PRPF18: variants seen among roughly 807,000 people sequenced by gnomAD.
PRPF18 encodes pre-mRNA-splicing factor 18.
Under a neutral mutation model 46.5 loss-of-function variants are expected in PRPF18, and 38 were observed. The observed-to-expected ratio is 0.82, with a 90% CI of 0.63 to 1.07. The LOEUF (loss-of-function observed/expected upper bound fraction) is 1.07, where lower values mean the gene tolerates loss of function less well. Ranked by LOEUF, PRPF18 falls within the 50% of genes least tolerant of loss-of-function variation. The pLI, the probability that PRPF18 is intolerant of heterozygous loss-of-function variation, is 0.00. For synonymous variants in PRPF18, 152 were observed against 146.7 expected (o/e 1.04, Z -0.26); for missense variants, 263 against 410.0 (o/e 0.64, Z 3.10).
chr10:13,620,038 C>T (rs1419267226), intron 9 of PRPF18, among the ~76,000 whole-genome samples: 1 of 151,926 alleles, frequency 6.6e-6, no homozygotes, highest in East Asian at 1.9e-4. Flanking sequence ...GATTGATTTA[C>T]TAAGCTGTCT....
chr10:13,597,618 T>C, intron 2 of PRPF18, 83 bp downstream of exon 2: 2 of 1,603,214 alleles, frequency 1.2e-6, no homozygotes, highest in Non-Finnish European at 1.7e-6. Flanking sequence ...ATCATTGATC[T>C]CTGTTCAATT....
At chr10:13,653,626 A>G in the PRPF18 span, among the ~76,000 whole-genome samples, 1 of 152,244 alleles carries the variant, frequency 6.6e-6, no homozygotes, top group Non-Finnish European at 1.5e-5. Context: ...CCACCAAACC[A>G]GGAACCAGAC....
chr10:13,612,622 CTTTTTTTT>C (rs61113168), intron 6 of PRPF18, among the ~76,000 whole-genome samples: 1 of 76,130 alleles, frequency 1.3e-5, no homozygotes, highest in Non-Finnish European at 2.4e-5. Flanking sequence ...AGGGTTCTAG[CTTTTTTTT>C]TTTTTTTTTT....
chr10:13,605,514 G>A (rs532354000), intron 3 of PRPF18, 117 bp from the exon 4 acceptor site: 7 of 1,085,824 alleles, frequency 6.4e-6, no homozygotes, highest in Admixed American at 6.9e-5. Flanking sequence ...CCTGGGAGGC[G>A]GAGCTTGCAG....
downstream of PRPF18, chr10:13,630,944 A>T (rs568960761): frequency 6.6e-6 from 1 of 152,218 alleles, no homozygotes; most frequent in Non-Finnish European, 1.5e-5. Context: ...AGTATTTGTC[A>T]TCTCTCAGGA....
chr10:13,597,510 C>T lies in PRPF18; in HGVS notation c.119C>T (p.Ala40Val), dbSNP rs548408215. The stretch of plus-strand genomic sequence containing the variant: ...GAGCTCGCCAAAAAAGAAGAGGAAG[C>T]ATATTTTGAAAGATGTGGCTACAAG... The part of the protein sequence containing the change: ...RSELAKKEEE[A>V]YFERCGYKIQ... The change falls in exon 2 of 10, where the codon GCA becomes GTA. Residue 40 changes from alanine to valine, a missense_variant. By Grantham distance (64) the Ala-to-Val change is moderately conservative (BLOSUM62 0). This residue lies in a region of PRPF18 where 71 missense variants were observed against 69.2 expected (regional missense o/e 1.03). Coordinates refer to ENST00000378572, the MANE Select transcript of PRPF18 (RefSeq NM_003675.4). 5 of 1,610,182 alleles carry T rather than the reference C, an allele frequency of 3.1e-6. No homozygotes were observed. Among genetic ancestry groups the T allele is most frequent in the Middle Eastern group, 1.7e-4 (1 of 5,970 alleles).
chr10:13,589,363 T>C (rs1023749527), intron 1 of PRPF18, among the ~76,000 whole-genome samples: 4 of 152,228 alleles, frequency 2.6e-5, no homozygotes, highest in South Asian at 2.1e-4. Context: ...CAGCAAACTT[T>C]AGTATAAATG....
intron 9 of PRPF18, among the ~76,000 whole-genome samples, chr10:13,625,406 A>G (rs1379414944): frequency 3.3e-5 from 5 of 152,258 alleles, no homozygotes; most frequent in Non-Finnish European, 1.5e-5. Flanking sequence ...ATGAACTCTT[A>G]AAAATTAGCA....
the PRPF18 span, among the ~76,000 whole-genome samples, chr10:13,650,677 A>C: frequency 6.6e-6 from 1 of 152,110 alleles, no homozygotes; most frequent in African/African-American, 2.4e-5. Flanking sequence ...TCCCTGTCCT[A>C]ATTGCCCATC....
At chr10:13,634,637 A>G (rs2080619563), downstream of PRPF18, among the ~76,000 whole-genome samples, 1 of 152,196 alleles carries the variant, frequency 6.6e-6, no homozygotes, top group African/African-American at 2.4e-5. Flanking sequence ...TAGAAGTGTA[A>G]AAGCTGTAGA....
At chr10:13,650,549 G>A in the PRPF18 span, among the ~76,000 whole-genome samples, 11 of 152,068 alleles carry the variant, frequency 7.2e-5, no homozygotes, top group African/African-American at 2.4e-4. Context: ...GCAGATGATC[G>A]CCCTCCCATA....
At chr10:13,639,251 C>G in the PRPF18 span, 4 of 152,218 alleles carry the variant, frequency 2.6e-5, no homozygotes, top group Admixed American at 2.6e-4. Flanking sequence ...TTCTTCTGCC[C>G]TGTCATCAAG....
At chr10:13,597,798 T>C in intron 2 of PRPF18, 4 of 220,022 alleles carry the variant, frequency 1.8e-5, no homozygotes, top group Non-Finnish European at 1.6e-5. Flanking sequence ...AAAGCTTGAA[T>C]TTTTTTTTTT....
At chr10:13,613,652 T>C in intron 6 of PRPF18, 89 bp from the exon 7 acceptor site, 1 of 1,323,348 alleles carries the variant, frequency 7.6e-7, no homozygotes, top group Non-Finnish European at 1.0e-6. Flanking sequence ...TAAGGATGAT[T>C]GTATTCTGTT....
At chr10:13,623,913 T>G (rs2080457885) in intron 9 of PRPF18, among the ~76,000 whole-genome samples, 1 of 152,242 alleles carries the variant, frequency 6.6e-6, no homozygotes, top group African/African-American at 2.4e-5. Flanking sequence ...CCATTTAGAC[T>G]TAAAAATTGT....
chr10:13,611,030 T>C (rs1287307434), intron 5 of PRPF18, among the ~76,000 whole-genome samples: 1 of 152,238 alleles, frequency 6.6e-6, no homozygotes, highest in African/African-American at 2.4e-5. Context: ...AACTTATTTT[T>C]CTGTTTCCTT....
intron 2 of PRPF18, among the ~76,000 whole-genome samples, chr10:13,599,609 T>A (rs1478179472): frequency 2.0e-5 from 3 of 152,168 alleles, no homozygotes; most frequent in Non-Finnish European, 4.4e-5. Flanking sequence ...TGAACAAGAA[T>A]GCCCACTGTT....
At chr10:13,649,010 G>T in the PRPF18 span, among the ~76,000 whole-genome samples, 11 of 152,234 alleles carry the variant, frequency 7.2e-5, no homozygotes, top group South Asian at 2.3e-3. Context: ...TATATTAAAG[G>T]TTCTGAGAAG....
rs577558671 is a variant in PRPF18, at chr10:13,587,170, G to T, written c.66+18G>T. 5.6e-6 allele frequency: 9 copies of T among 1,607,044 alleles called. No homozygotes were observed. In the South Asian group the frequency reaches 8.8e-5, roughly 16 times the overall value. On this transcript the variant is annotated intron_variant, in intron 1 of 9. Coordinates refer to ENST00000378572, the MANE Select transcript of PRPF18 (RefSeq NM_003675.4). Reference sequence around the variant, plus strand: ...TGCTGGTGGTGAGGACCCTGCGGTCGTGGGGGTCGGGATGTAAGAGTGAGA... The same window carrying T: ...TGCTGGTGGTGAGGACCCTGCGGTCTTGGGGGTCGGGATGTAAGAGTGAGA...
Sources: gnomAD v4.1 joint callset for allele counts (sites outside exome capture counted in the v4.1 genomes callset) on GRCh38, gnomAD v4.1.1 for gene constraint, gnomAD v4.1.1 regional missense constraint, MANE v1.5 for transcripts, NCBI Gene and HGNC (gene_info 2026-07-23, HGNC 2026-07-21) for gene names.